COMMD1: variants seen among roughly 807,000 people sequenced by gnomAD.
COMMD1 encodes copper metabolism domain containing 1.
Under a neutral mutation model 17.2 loss-of-function variants are expected in COMMD1, and 10 were observed. The ratio of observed to expected loss-of-function variants is 0.58; its 90% CI spans 0.36 to 0.99. COMMD1 has a LOEUF of 0.99. Ranked by LOEUF, COMMD1 falls within the 50% of genes least tolerant of loss-of-function variation. COMMD1 has a pLI of 0.01. For synonymous variants in COMMD1, 97 were observed against 91.6 expected (o/e 1.06, Z -0.34); for missense variants, 270 against 231.8 (o/e 1.17, Z -1.07).
chr2:62,066,266 T>TA (rs935060206), intron 2 of COMMD1, among the ~76,000 whole-genome samples: 4 of 152,068 alleles, frequency 2.6e-5, no homozygotes, highest in Non-Finnish European at 5.9e-5. Flanking sequence ...CTCTAGCCCT[T>TA]AAAATGATCT....
At chr2:62,117,885 C>T (rs1672648591) in intron 2 of COMMD1, among the ~76,000 whole-genome samples, 1 of 152,028 alleles carries the variant, frequency 6.6e-6, no homozygotes, top group African/African-American at 2.4e-5. Context: ...ATCCCTGCAC[C>T]CTGCCCCGCA....
intron 1 of COMMD1, among the ~76,000 whole-genome samples, chr2:61,948,425 T>A (rs1038093289): frequency 3.9e-5 from 6 of 152,236 alleles, no homozygotes; most frequent in African/African-American, 1.4e-4. Flanking sequence ...TTATTTTCTC[T>A]AAGCCCATTA....
chr2:62,107,531 G>A (rs1407612044), intron 2 of COMMD1, among the ~76,000 whole-genome samples: 3 of 152,218 alleles, frequency 2.0e-5, no homozygotes, highest in Non-Finnish European at 4.4e-5. Context: ...CCAGCTTTCA[G>A]GCAGATTGAA....
intron 1 of COMMD1, among the ~76,000 whole-genome samples, chr2:61,965,946 T>A (rs1671493978): frequency 6.6e-6 from 1 of 152,256 alleles, no homozygotes; most frequent in South Asian, 2.1e-4. Context: ...CTGCCTTGAA[T>A]ATGCTGTGAA....
chr2:62,110,901 A>G (rs1362034366), intron 2 of COMMD1, among the ~76,000 whole-genome samples: 1 of 148,332 alleles, frequency 6.7e-6, no homozygotes, highest in East Asian at 2.0e-4. Flanking sequence ...GTAGATCTCA[A>G]AGGGGTAAAC....
At chr2:62,028,081 T>A (rs570903661) in intron 2 of COMMD1, among the ~76,000 whole-genome samples, 4 of 152,308 alleles carry the variant, frequency 2.6e-5, no homozygotes, top group Admixed American at 6.5e-5. Context: ...CACATTAGAA[T>A]TGAAACTCAG....
chr2:62,129,460 G>A (rs1672967258), intron 2 of COMMD1, among the ~76,000 whole-genome samples: 1 of 152,182 alleles, frequency 6.6e-6, no homozygotes, highest in Admixed American at 6.5e-5. Context: ...TAGGAAGGAA[G>A]TTGGGTGATC....
intron 2 of COMMD1, among the ~76,000 whole-genome samples, chr2:62,123,501 G>A (rs10196950): frequency 0.31 from 40,970 of 130,886 alleles, 6,258 homozygotes; most frequent in Admixed American, 0.38. Flanking sequence ...CAAGACATGT[G>A]AAAAAAAAAT....
At chr2:62,089,559 A>G (rs1671767026) in intron 2 of COMMD1, among the ~76,000 whole-genome samples, 1 of 152,324 alleles carries the variant, frequency 6.6e-6, no homozygotes, top group African/African-American at 2.4e-5. Context: ...CTGGGATTAC[A>G]GGCATGAGCC....
chr2:62,110,252 A>G (rs941776975), intron 2 of COMMD1, among the ~76,000 whole-genome samples: 14 of 151,620 alleles, frequency 9.2e-5, no homozygotes, highest in African/African-American at 3.2e-4. Flanking sequence ...GATTTTTTTT[A>G]TAGGAATGGT....
intron 1 of COMMD1, among the ~76,000 whole-genome samples, chr2:61,922,006 T>C (rs555351975): frequency 6.6e-6 from 1 of 152,354 alleles, no homozygotes; most frequent in South Asian, 2.1e-4. Context: ...ATATTTTGGA[T>C]TTGAATATAT....
At chr2:61,965,020 A>T (rs1030762766) in intron 1 of COMMD1, among the ~76,000 whole-genome samples, 2 of 152,168 alleles carry the variant, frequency 1.3e-5, no homozygotes, top group Non-Finnish European at 2.9e-5. Flanking sequence ...TGGGCAACAG[A>T]GCAAGACTCC....
At chr2:62,012,986 C>T (rs989676439) in intron 2 of COMMD1, among the ~76,000 whole-genome samples, 1 of 151,964 alleles carries the variant, frequency 6.6e-6, no homozygotes, top group African/African-American at 2.4e-5. Flanking sequence ...GAGGGAGCAA[C>T]CAAGGCAAGA....
chr2:61,929,558 A>C (rs1210592866), intron 1 of COMMD1, among the ~76,000 whole-genome samples: 1 of 152,120 alleles, frequency 6.6e-6, no homozygotes, highest in Non-Finnish European at 1.5e-5. Flanking sequence ...CTCTCCATCA[A>C]ACCTAGCATA....
chr2:61,974,757 A>T (rs1671747685), intron 1 of COMMD1, among the ~76,000 whole-genome samples: 1 of 152,090 alleles, frequency 6.6e-6, no homozygotes, highest in Non-Finnish European at 1.5e-5. Context: ...AAGGGAAAAT[A>T]CAGAGAGCTC....
intron 2 of COMMD1, among the ~76,000 whole-genome samples, chr2:62,029,534 C>CTTCAAAA (rs1669857404): frequency 6.6e-6 from 1 of 152,010 alleles, no homozygotes; most frequent in African/African-American, 2.4e-5. Context: ...TATTTCTTTG[C>CTTCAAAA]CCATTGGATT....
chr2:62,037,275 C>G (rs1376161512), intron 2 of COMMD1, among the ~76,000 whole-genome samples: 1 of 152,130 alleles, frequency 6.6e-6, no homozygotes, highest in Non-Finnish European at 1.5e-5. Flanking sequence ...AGGAAGGTAT[C>G]TATATTTAAC....
At chr2:61,905,996 C>G (rs901535331) in intron 1 of COMMD1, 138 bp downstream of exon 1, 20 of 810,952 alleles carry the variant, frequency 2.5e-5, no homozygotes, top group Admixed American at 4.2e-5. Flanking sequence ...GTGGGCTCCA[C>G]ATCGGGCTCC....
At chr2:61,920,985 T>A (rs200936265) in intron 1 of COMMD1, among the ~76,000 whole-genome samples, 19,478 of 111,798 alleles carry the variant, frequency 0.17, 1,617 homozygotes, top group African/African-American at 0.31. Context: ...ATATATATTT[T>A]TTTTTTTTTT....
Sources: allele counts gnomAD v4.1 joint callset (sites outside exome capture counted in the v4.1 genomes callset), GRCh38; gene constraint gnomAD v4.1.1; transcripts MANE v1.5; gene names NCBI Gene and HGNC (gene_info 2026-07-23, HGNC 2026-07-21).